The following CTNNA2 variants were observed in gnomAD, a reference collection of about 807,000 sequenced individuals.
The protein encoded by CTNNA2 is catenin alpha-2.
CTNNA2 carries 42 observed loss-of-function variants against 101.0 expected under a neutral mutation model. The observed-to-expected ratio is 0.42, with a 90% CI of 0.32 to 0.54. The LOEUF is 0.54. Among genes scored for constraint, CTNNA2 ranks in the 20% least tolerant of loss-of-function variants. CTNNA2 has a pLI of 0.14. For missense variants in CTNNA2, 871 were observed against 1,223.1 expected (o/e 0.71, Z 4.29); for synonymous variants, 450 against 456.4 (o/e 0.99, Z 0.18).
intron 2 of CTNNA2, among the ~76,000 whole-genome samples, chr2:79,687,265 G>C (rs1683992564): frequency 6.6e-6 from 1 of 151,988 alleles, no homozygotes; most frequent in Admixed American, 6.6e-5. Flanking sequence ...TTAAATTTTA[G>C]CTTAATTCTG....
intron 2 of CTNNA2, among the ~76,000 whole-genome samples, chr2:79,231,419 A>G (rs1040684233): frequency 2.0e-5 from 3 of 152,112 alleles, no homozygotes; most frequent in African/African-American, 7.2e-5. Context: ...CTCTGCCATG[A>G]TTGTGAGGTC....
At chr2:79,366,137 T>A (rs1234982866) in intron 3 of CTNNA2, among the ~76,000 whole-genome samples, 2 of 152,178 alleles carry the variant, frequency 1.3e-5, no homozygotes, top group African/African-American at 4.8e-5. Context: ...CATGAGTGTG[T>A]GTCACGTGCA....
At chr2:79,995,668 G>A (rs562512297) in intron 7 of CTNNA2, among the ~76,000 whole-genome samples, 10 of 152,084 alleles carry the variant, frequency 6.6e-5, no homozygotes, top group Non-Finnish European at 1.5e-4. Context: ...TTTAAAAATA[G>A]CCAGACATGG....
rs182723219 is a variant in CTNNA2 at position 79,888,953 on chromosome 2, A to G, written c.852+14611A>G. On this transcript the variant is annotated intron_variant, in intron 6 of 18. Coordinates refer to ENST00000402739, the MANE Select transcript of CTNNA2 (RefSeq NM_001282597.3). ...AGGCCACTTATCTAGTGAACTCTTT[A>G]TTAGAGCAACATGTGGTTTATTTAA... Among the ~76,000 whole-genome samples, 7 of 152,316 alleles carry G rather than the reference A, an allele frequency of 4.6e-5. No homozygotes were observed. The East Asian group carries it at 1.3e-3, about 29-fold the overall frequency.
chr2:79,884,990 C>T (rs573775675), intron 6 of CTNNA2, among the ~76,000 whole-genome samples: 1 of 152,018 alleles, frequency 6.6e-6, no homozygotes, highest in Admixed American at 6.6e-5. Flanking sequence ...AAAGCTTATC[C>T]CAGTTGTAGG....
chr2:79,686,025 G>A (rs1000803002), intron 2 of CTNNA2, among the ~76,000 whole-genome samples: 3 of 152,260 alleles, frequency 2.0e-5, no homozygotes, highest in Middle Eastern at 6.8e-3. Flanking sequence ...AGTCTGAAGA[G>A]TGAAGTCAAT....
intron 7 of CTNNA2, among the ~76,000 whole-genome samples, chr2:79,931,683 A>G (rs767155438): frequency 6.6e-6 from 1 of 152,178 alleles, no homozygotes; most frequent in Non-Finnish European, 1.5e-5. Flanking sequence ...TTTTTTAACT[A>G]CTTTTCATCC....
chr2:79,651,762 C>T, intron 2 of CTNNA2, 104 bp downstream of exon 2: 1 of 929,124 alleles, frequency 1.1e-6, no homozygotes. Context: ...ATAAATCATG[C>T]CATGATTCCG....
intron 3 of CTNNA2, among the ~76,000 whole-genome samples, chr2:79,788,857 C>T (rs1459871159): frequency 1.3e-5 from 2 of 152,224 alleles, no homozygotes; most frequent in African/African-American, 4.8e-5. Flanking sequence ...TACTTAGTCT[C>T]CTGTAAATGT....
intron 2 of CTNNA2, among the ~76,000 whole-genome samples, chr2:79,238,513 C>T (rs557597691): frequency 2.6e-5 from 4 of 152,174 alleles, no homozygotes; most frequent in Non-Finnish European, 4.4e-5. Flanking sequence ...AATAGACTTG[C>T]TTGATTCAGG....
chr2:79,355,823 C>T (rs1677496842), intron 3 of CTNNA2, among the ~76,000 whole-genome samples: 1 of 152,088 alleles, frequency 6.6e-6, no homozygotes. Flanking sequence ...GAGCATACCA[C>T]ATTTATTAAT....
At chr2:79,807,808 C>CA (rs1412553372) in intron 3 of CTNNA2, among the ~76,000 whole-genome samples, 2 of 151,122 alleles carry the variant, frequency 1.3e-5, no homozygotes, top group Non-Finnish European at 3.0e-5. Context: ...TTCTGAGGGG[C>CA]AAAAAAAAGC....
chr2:80,060,619 C>G (rs998376622), intron 7 of CTNNA2, among the ~76,000 whole-genome samples: 1 of 152,114 alleles, frequency 6.6e-6, no homozygotes. Context: ...ATTGTTTTCT[C>G]TCTTTTTCTC....
At chr2:80,106,580 T>C (rs1295865853) in intron 7 of CTNNA2, among the ~76,000 whole-genome samples, 1 of 152,140 alleles carries the variant, frequency 6.6e-6, no homozygotes, top group Non-Finnish European at 1.5e-5. Flanking sequence ...AGTAGCTCTT[T>C]CCTAGTCTCT....
At chr2:80,267,069 G>C (rs1673056487) in intron 7 of CTNNA2, among the ~76,000 whole-genome samples, 1 of 152,112 alleles carries the variant, frequency 6.6e-6, no homozygotes, top group African/African-American at 2.4e-5. Context: ...ACCTATGTCA[G>C]GCTCCCCAGT....
At chr2:79,529,580 G>A (rs1226404849) in intron 1 of CTNNA2, among the ~76,000 whole-genome samples, 1 of 151,872 alleles carries the variant, frequency 6.6e-6, no homozygotes, top group East Asian at 1.9e-4. Flanking sequence ...CTGCATCTCA[G>A]GAATACCACT....
chr2:80,625,312 G>A (rs1360702942), intron 18 of CTNNA2, among the ~76,000 whole-genome samples: 3 of 151,868 alleles, frequency 2.0e-5, no homozygotes, highest in Non-Finnish European at 4.4e-5. Flanking sequence ...TGAAGGATTA[G>A]TATGTGCCAG....
At chr2:80,084,529 A>G (rs1449121303) in intron 7 of CTNNA2, among the ~76,000 whole-genome samples, 6 of 152,116 alleles carry the variant, frequency 3.9e-5, no homozygotes, top group African/African-American at 1.4e-4. Flanking sequence ...ACACACAATC[A>G]GCTCGTATTG....
chr2:79,953,325 A>G (rs1689010969), intron 7 of CTNNA2, among the ~76,000 whole-genome samples: 1 of 152,194 alleles, frequency 6.6e-6, no homozygotes, highest in African/African-American at 2.4e-5. Flanking sequence ...AACCTGAAAT[A>G]AATACCGGTC....
Sources: allele counts gnomAD v4.1 joint callset (sites outside exome capture counted in the v4.1 genomes callset), GRCh38; gene constraint gnomAD v4.1.1; transcripts MANE v1.5; gene names NCBI Gene and HGNC (gene_info 2026-07-23, HGNC 2026-07-21).